The following ZNF385B variants were observed in gnomAD, a reference collection of about 807,000 sequenced individuals.
The protein encoded by ZNF385B is zinc finger protein 533.
In ZNF385B, 23 loss-of-function variants were observed where a neutral mutation model predicts 39.2. The observed-to-expected ratio is 0.59, with a 90% CI of 0.42 to 0.83. The LOEUF (loss-of-function observed/expected upper bound fraction) is 0.83. ZNF385B is among the 40% of genes least tolerant of loss of function. ZNF385B has a pLI of 0.00. For synonymous variants in ZNF385B, 205 were observed against 222.6 expected (o/e 0.92, Z 0.70); for missense variants, 552 against 598.9 (o/e 0.92, Z 0.82).
chr2:179,750,552 G>A (rs1702612610), intron 3 of ZNF385B, among the ~76,000 whole-genome samples: 1 of 152,172 alleles, frequency 6.6e-6, no homozygotes, highest in East Asian at 1.9e-4. Context: ...CTTATACAAA[G>A]AAAAGCGGAT....
At chr2:179,706,156 T>C (rs1255926997) in intron 3 of ZNF385B, among the ~76,000 whole-genome samples, 3 of 152,294 alleles carry the variant, frequency 2.0e-5, no homozygotes, top group African/African-American at 4.8e-5. Flanking sequence ...CAGACCTCGG[T>C]TGATCCCATG....
chr2:179,854,099 T>A lies in ZNF385B; in HGVS notation c.-155+7002A>T, dbSNP rs144897511. On this transcript the variant is annotated intron_variant, in intron 1 of 9. Coordinates refer to ENST00000410066, the MANE Select transcript of ZNF385B (RefSeq NM_152520.6). ...TTATATACCAGTATGTGTATCTGTATACAAACAATGGCATTTTTGTGCTCT... is the reference window on the plus strand; with the variant it reads ...TTATATACCAGTATGTGTATCTGTAAACAAACAATGGCATTTTTGTGCTCT... Among the ~76,000 whole-genome samples the A allele has an allele frequency of 2.2e-4, 33 of 152,326 alleles. No homozygotes were observed. In the East Asian group the frequency reaches 6.0e-3, roughly 28 times the overall value.
chr2:179,451,113 G>C (rs552844743), intron 6 of ZNF385B, among the ~76,000 whole-genome samples: 1 of 118,114 alleles, frequency 8.5e-6, no homozygotes, highest in Admixed American at 9.1e-5. Flanking sequence ...GGTGGGGGGA[G>C]GGGGGAGGGA....
In ZNF385B at chr2:179,803,351, T is replaced by C. The variant is rs547320052; in HGVS notation, c.-154-32679A>G. 2.6e-4 allele frequency among the ~76,000 whole-genome samples: 39 copies of C among 152,306 alleles called. No homozygotes were observed. In the South Asian group the frequency reaches 7.9e-3, roughly 31 times the overall value. ...AAAACAGACAAAGTAATCAGTGTGG[T>C]ATTAATGTGCCACCCATGGGAAGCA... On this transcript the variant is annotated intron_variant, in intron 1 of 9. Transcript: ENST00000410066.
chr2:179,446,662 GTGGC>G lies in ZNF385B; in HGVS notation c.820_823del (p.Ala274LeufsTer35). On this transcript the variant is annotated frameshift_variant, in exon 7 of 10. Transcript: ENST00000410066. LOFTEE classifies it high-confidence loss of function. ...TCCATTTGTGCTCTTGGAGGGAGAA[GTGGC>G]TGCTCCAGGTGGCAGGGGTGTTGTG... 1 of 1,614,136 alleles carries G rather than the reference GTGGC, an allele frequency of 6.2e-7. No individual in the cohort carries two copies. Among genetic ancestry groups the G allele is most frequent in the Non-Finnish European group, 8.5e-7 (1 of 1,180,006 alleles).
In ZNF385B at chr2:179,784,164, C is replaced by T. The variant is rs113170226; in HGVS notation, c.-154-13492G>A. Among the ~76,000 whole-genome samples the T allele has an allele frequency of 3.9e-5, 6 of 152,168 alleles. 1 individual carries two copies. The highest frequency in any genetic ancestry group is 1.4e-4 in the African/African-American group (6 of 41,530). On this transcript the variant is annotated intron_variant, in intron 1 of 9. Transcript: ENST00000410066. ...GCTGTAAAAAAGAATGAGGTCATGTCTTTTGTGGGAACATGGATGGAGCTG... is the reference window on the plus strand; with the variant it reads ...GCTGTAAAAAAGAATGAGGTCATGTTTTTTGTGGGAACATGGATGGAGCTG...
At chr2:179,746,006 A>G (rs1702360978) in intron 3 of ZNF385B, 4 of 1,152,218 alleles carry the variant, frequency 3.5e-6, no homozygotes, top group Non-Finnish European at 3.2e-6. Flanking sequence ...AGCAATTTCA[A>G]TTCTATATCT....
chr2:179,498,555 T>C (rs1315069721), intron 5 of ZNF385B, among the ~76,000 whole-genome samples: 1 of 151,866 alleles, frequency 6.6e-6, no homozygotes, highest in Non-Finnish European at 1.5e-5. Flanking sequence ...TATACAAATA[T>C]ATGGAAATTA....
intron 3 of ZNF385B, among the ~76,000 whole-genome samples, chr2:179,561,428 C>A (rs1245638412): frequency 6.6e-6 from 1 of 151,846 alleles, no homozygotes; most frequent in African/African-American, 2.4e-5. Flanking sequence ...TTTGCAAGTC[C>A]ACTGAACCCT....
intron 4 of ZNF385B, among the ~76,000 whole-genome samples, chr2:179,541,633 C>T (rs926462235): frequency 3.9e-5 from 6 of 152,062 alleles, no homozygotes; most frequent in African/African-American, 1.4e-4. Context: ...TTTCAAAGAA[C>T]AAGTGGACAA....
chr2:179,556,299 G>A lies in ZNF385B; in HGVS notation c.299-11330C>T, dbSNP rs777961452. Reference sequence around the variant, plus strand: ...GGCTGCAATCCTTTTTCAAAGCAGCGTTGAAAAGTATGAGAATTTAAGAAT... The same window carrying A: ...GGCTGCAATCCTTTTTCAAAGCAGCATTGAAAAGTATGAGAATTTAAGAAT... On this transcript the variant is annotated intron_variant, in intron 3 of 9. Coordinates refer to ENST00000410066, the MANE Select transcript of ZNF385B (RefSeq NM_152520.6). Among the ~76,000 whole-genome samples the A allele has an allele frequency of 2.0e-5, 3 of 149,740 alleles. 1 individual carries two copies. The highest frequency in any genetic ancestry group is 2.1e-4 in the South Asian group (1 of 4,666).
chr2:179,606,195 T>A (rs1337488664), intron 3 of ZNF385B, among the ~76,000 whole-genome samples: 1 of 152,160 alleles, frequency 6.6e-6, no homozygotes, highest in African/African-American at 2.4e-5. Context: ...GAAAACATGG[T>A]TCTGCTAGTT....
chr2:179,770,877 C>T (rs1703973953), intron 1 of ZNF385B, among the ~76,000 whole-genome samples: 1 of 151,952 alleles, frequency 6.6e-6, no homozygotes, highest in African/African-American at 2.4e-5. Flanking sequence ...GATTGCCTTG[C>T]CATTTTATTT....
Position 179,625,856 on chromosome 2 carries a change from C to T in ZNF385B, c.299-80887G>A, listed in dbSNP as rs555383193. Among the ~76,000 whole-genome samples the T allele has an allele frequency of 9.2e-5, 14 of 152,170 alleles. No individual in the cohort carries two copies. In the South Asian group the frequency reaches 2.7e-3, roughly 29 times the overall value. ...CCTAAAAGGATAAAATAAAAACAGA[C>T]ACAAGATGCATCTTCACAAACATGT... On this transcript the variant is annotated intron_variant, in intron 3 of 9. Coordinates refer to ENST00000410066, the MANE Select transcript of ZNF385B (RefSeq NM_152520.6).
intron 3 of ZNF385B, among the ~76,000 whole-genome samples, chr2:179,550,194 G>C (rs971725075): frequency 2.0e-5 from 3 of 149,560 alleles, no homozygotes; most frequent in Admixed American, 2.0e-4. Context: ...TGTACTTAAA[G>C]CTGAATGATA....
intron 3 of ZNF385B, among the ~76,000 whole-genome samples, chr2:179,670,067 G>C (rs1180193382): frequency 6.6e-6 from 1 of 151,852 alleles, no homozygotes; most frequent in South Asian, 2.1e-4. Context: ...CGAGGCGGGC[G>C]GATCACGAGG....
At chr2:179,729,215 T>C (rs1307786374) in intron 3 of ZNF385B, among the ~76,000 whole-genome samples, 1 of 151,444 alleles carries the variant, frequency 6.6e-6, no homozygotes, top group East Asian at 1.9e-4. Context: ...TTTAATTTTC[T>C]AGGACATCCT....
At chr2:179,675,939 C>G (rs542406426) in intron 3 of ZNF385B, among the ~76,000 whole-genome samples, 3 of 151,976 alleles carry the variant, frequency 2.0e-5, no homozygotes, top group Non-Finnish European at 2.9e-5. Context: ...AGGCGCCCAC[C>G]ACCACACCCG....
At chr2:179,844,625 G>A (rs1423236796) in intron 1 of ZNF385B, among the ~76,000 whole-genome samples, 4 of 152,104 alleles carry the variant, frequency 2.6e-5, no homozygotes, top group African/African-American at 9.7e-5. Flanking sequence ...CATCATAATT[G>A]TTCAGCCAAA....
Sources: gnomAD v4.1 joint callset for allele counts (sites outside exome capture counted in the v4.1 genomes callset) on GRCh38, gnomAD v4.1.1 for gene constraint, MANE v1.5 for transcripts, NCBI Gene and HGNC (gene_info 2026-07-23, HGNC 2026-07-21) for gene names.